TMEM132D: variants seen among roughly 807,000 people sequenced by gnomAD.
TMEM132D encodes mature OL transmembrane protein.
Under a neutral mutation model 62.3 loss-of-function variants are expected in TMEM132D, and 21 were observed. The observed-to-expected ratio is 0.34, with a 90% confidence interval of 0.24 to 0.49. The LOEUF (loss-of-function observed/expected upper bound fraction) is 0.49, where lower values mean the gene tolerates loss of function less well. TMEM132D is among the 20% of genes least tolerant of loss of function. TMEM132D has a pLI of 0.99. For missense variants in TMEM132D, 1,346 were observed against 1,402.8 expected (o/e 0.96, Z 0.65); for synonymous variants, 621 against 575.6 (o/e 1.08, Z -1.13).
At chr12:129,316,153 C>T (rs1456223187) in intron 4 of TMEM132D, among the ~76,000 whole-genome samples, 2 of 151,940 alleles carry the variant, frequency 1.3e-5, no homozygotes, top group Admixed American at 1.3e-4. Flanking sequence ...TTTAGTTCTG[C>T]TCTGATCTTG....
At chr12:129,628,305 T>A (rs949222071) in intron 2 of TMEM132D, among the ~76,000 whole-genome samples, 3 of 152,158 alleles carry the variant, frequency 2.0e-5, no homozygotes, top group Non-Finnish European at 4.4e-5. Flanking sequence ...CTATCAGCCA[T>A]AGGTTGTGTG....
At chr12:129,726,846 G>C (rs1869051998) in intron 1 of TMEM132D, among the ~76,000 whole-genome samples, 1 of 152,144 alleles carries the variant, frequency 6.6e-6, no homozygotes. Context: ...AAGAACAGGA[G>C]TTCTGTTCCC....
chr12:129,386,726 A>ACCAACG (rs1871115317), intron 3 of TMEM132D, among the ~76,000 whole-genome samples: 1 of 151,074 alleles, frequency 6.6e-6, no homozygotes, highest in Non-Finnish European at 1.5e-5. Context: ...TAACACCAAC[A>ACCAACG]CCAACGCCAC....
At chr12:129,805,623 T>C (rs1178097494) in intron 1 of TMEM132D, among the ~76,000 whole-genome samples, 3 of 151,932 alleles carry the variant, frequency 2.0e-5, no homozygotes, top group Non-Finnish European at 2.9e-5. Flanking sequence ...ATTCAGGACA[T>C]AGGCATGGGC....
intron 2 of TMEM132D, among the ~76,000 whole-genome samples, chr12:129,616,312 T>C (rs1878916762): frequency 1.3e-5 from 2 of 152,154 alleles, no homozygotes; most frequent in South Asian, 4.1e-4. Flanking sequence ...CAAGGCAGAC[T>C]GGCATGGAAC....
intron 1 of TMEM132D, among the ~76,000 whole-genome samples, chr12:129,828,572 G>A (rs1014847001): frequency 6.7e-6 from 1 of 148,884 alleles, no homozygotes; most frequent in Non-Finnish European, 1.5e-5. Context: ...ATTTGTGGGA[G>A]ATATGGTTGG....
chr12:129,099,975 G>A (rs1324495357), intron 5 of TMEM132D, among the ~76,000 whole-genome samples: 6 of 121,260 alleles, frequency 4.9e-5, no homozygotes, highest in African/African-American at 1.4e-4. Flanking sequence ...ACAGGTGCCC[G>A]CCACTACGCC....
In TMEM132D at chr12:129,648,964, A is replaced by G. The variant is rs570537564; in HGVS notation, c.968+50846T>C. Among the ~76,000 whole-genome samples the G allele has an allele frequency of 9.2e-5, 14 of 152,324 alleles. No individual in the cohort carries two copies. In the South Asian group the frequency reaches 2.7e-3, roughly 29 times the overall value. Reference sequence around the variant, plus strand: ...CCAAGCCCCATGTTAAGCACACTTCAGAGTTCCAACTGACTCCGGAGGGAA... The same window carrying G: ...CCAAGCCCCATGTTAAGCACACTTCGGAGTTCCAACTGACTCCGGAGGGAA... On this transcript the variant is annotated intron_variant, in intron 2 of 8. Transcript: ENST00000422113.
intron 2 of TMEM132D, among the ~76,000 whole-genome samples, chr12:129,578,848 T>C (rs1877760517): frequency 6.6e-6 from 1 of 152,158 alleles, no homozygotes; most frequent in Admixed American, 6.5e-5. Flanking sequence ...GGTTGGAGCA[T>C]ACTCACCCAC....
intron 4 of TMEM132D, chr12:129,262,257 AG>A (rs1214368268): frequency 7.9e-5 from 12 of 152,258 alleles, no homozygotes; most frequent in Non-Finnish European, 1.6e-4. Context: ...TGAAAATATT[AG>A]TGCACAGAAA....
At chr12:129,737,928 T>C (rs1041171913) in intron 1 of TMEM132D, among the ~76,000 whole-genome samples, 2 of 152,240 alleles carry the variant, frequency 1.3e-5, no homozygotes, top group African/African-American at 4.8e-5. Context: ...ATTGTGGCAA[T>C]GCCACAAAGA....
At chr12:129,285,539 A>AAAAAAAAAAAAGAG (rs56018646) in intron 4 of TMEM132D, among the ~76,000 whole-genome samples, 5 of 90,076 alleles carry the variant, frequency 5.6e-5, no homozygotes, top group Non-Finnish European at 4.3e-5. Context: ...AAAAAAAAAA[A>AAAAAAAAAAAAGAG]AGAGAGAGAG....
intron 3 of TMEM132D, among the ~76,000 whole-genome samples, chr12:129,343,771 C>CAAAAAAAAA (rs201157436): frequency 7.9e-6 from 1 of 127,146 alleles, no homozygotes; most frequent in Non-Finnish European, 1.7e-5. Context: ...CAAAAAAAAA[C>CAAAAAAAAA]AAAAAAAAAA....
At chr12:129,583,186 CATTTAGA>C (rs1233057741) in intron 2 of TMEM132D, among the ~76,000 whole-genome samples, 1 of 152,160 alleles carries the variant, frequency 6.6e-6, no homozygotes, top group African/African-American at 2.4e-5. Context: ...CCATATGAAA[CATTTAGA>C]ATAATTCTTG....
intron 1 of TMEM132D, among the ~76,000 whole-genome samples, chr12:129,813,627 TATA>T (rs1593172058): frequency 6.7e-6 from 1 of 149,066 alleles, no homozygotes; most frequent in Non-Finnish European, 1.5e-5. Context: ...TATATATATA[TATA>T]TTTTCAGGAC....
intron 2 of TMEM132D, among the ~76,000 whole-genome samples, chr12:129,590,281 CA>C (rs1242126565): frequency 6.6e-6 from 1 of 152,144 alleles, no homozygotes; most frequent in Non-Finnish European, 1.5e-5. Flanking sequence ...TCCTGAGACA[CA>C]AAGGGCCACC....
At chr12:129,328,523 G>A (rs778745570) in intron 4 of TMEM132D, among the ~76,000 whole-genome samples, 11 of 152,142 alleles carry the variant, frequency 7.2e-5, no homozygotes, top group East Asian at 3.9e-4. Flanking sequence ...AAGTTCAGCC[G>A]ACACCGCCAT....
intron 1 of TMEM132D, among the ~76,000 whole-genome samples, chr12:129,721,732 G>T (rs1383244801): frequency 6.6e-6 from 1 of 152,106 alleles, no homozygotes; most frequent in Non-Finnish European, 1.5e-5. Context: ...TGCATGTACG[G>T]ACCCTCTGAA....
At chr12:129,258,131 C>T (rs146958575) in intron 4 of TMEM132D, among the ~76,000 whole-genome samples, 13 of 152,262 alleles carry the variant, frequency 8.5e-5, no homozygotes, top group South Asian at 2.1e-4. Context: ...TAATCCTTTC[C>T]GGCTGGCTGA....
Sources: allele counts gnomAD v4.1 joint callset (sites outside exome capture counted in the v4.1 genomes callset), GRCh38; gene constraint gnomAD v4.1.1; transcripts MANE v1.5; gene names NCBI Gene and HGNC (gene_info 2026-07-23, HGNC 2026-07-21).